Variants in KIF24 observed in about 807,000 individuals in gnomAD.
KIF24 encodes kinesin family member 24.
Under a neutral mutation model 118.9 loss-of-function variants are expected in KIF24, and 81 were observed. That is an observed-to-expected ratio of 0.68 (90% CI 0.57 to 0.82). The LOEUF is 0.82. Ranked by LOEUF, KIF24 falls within the 40% of genes least tolerant of loss-of-function variation. The probability of loss-of-function intolerance (pLI) is 0.00; values close to 1 mark genes in which losing one functional copy is unlikely to be tolerated. For synonymous variants in KIF24, 599 were observed against 610.0 expected, an observed-to-expected ratio of 0.98 and a Z score of 0.27; for missense variants, 1,560 against 1,661.6, an observed-to-expected ratio of 0.94 and a Z score of 1.06.
At chr9:34,326,552 G>C (rs982963189) in intron 1 of KIF24, among the ~76,000 whole-genome samples, 4 of 152,166 alleles carry the variant, frequency 2.6e-5, no homozygotes, top group African/African-American at 9.7e-5. Flanking sequence ...AATATTTGAG[G>C]TGAAACCTGA....
chr9:34,308,693 T>A (rs1206506123), intron 2 of KIF24, among the ~76,000 whole-genome samples: 2 of 152,220 alleles, frequency 1.3e-5, no homozygotes, highest in Admixed American at 1.3e-4. Context: ...TGGTCCTTTT[T>A]AAAATTGTTC....
chr9:34,329,938 C>T (rs1837843903), upstream of KIF24, among the ~76,000 whole-genome samples: 1 of 152,244 alleles, frequency 6.6e-6, no homozygotes, highest in African/African-American at 2.4e-5. Context: ...CTCCCTGGGC[C>T]TCAGTTTCAC....
chr9:34,276,747 C>A (rs890083402), intron 6 of KIF24, among the ~76,000 whole-genome samples: 2 of 152,148 alleles, frequency 1.3e-5, no homozygotes, highest in Non-Finnish European at 2.9e-5. Context: ...CATGATGAAT[C>A]CTTTTGTAAA....
At chr9:34,325,968 C>T (rs911398967) in intron 1 of KIF24, among the ~76,000 whole-genome samples, 10 of 152,108 alleles carry the variant, frequency 6.6e-5, no homozygotes, top group African/African-American at 2.4e-4. Context: ...GTTACAGTTC[C>T]AAGAGGAAAC....
intron 6 of KIF24, among the ~76,000 whole-genome samples, chr9:34,272,822 C>T (rs936799687): frequency 6.6e-6 from 1 of 152,142 alleles, no homozygotes; most frequent in Non-Finnish European, 1.5e-5. Flanking sequence ...CATGGTCTTA[C>T]TATGTTGCCC....
chr9:34,330,481 A>G (rs1837879219), upstream of KIF24, among the ~76,000 whole-genome samples: 1 of 152,146 alleles, frequency 6.6e-6, no homozygotes, highest in African/African-American at 2.4e-5. Flanking sequence ...AGTTAAGGTT[A>G]AGATCATTGA....
intron 4 of KIF24, among the ~76,000 whole-genome samples, chr9:34,296,248 C>T (rs1164993674): frequency 7.8e-5 from 11 of 140,458 alleles, no homozygotes; most frequent in South Asian, 2.3e-4. Flanking sequence ...TCTATGAGGC[C>T]GGGCGTGGTG....
chr9:34,309,627 G>C (rs987115618), intron 2 of KIF24, among the ~76,000 whole-genome samples: 18 of 151,460 alleles, frequency 1.2e-4, no homozygotes, highest in African/African-American at 4.1e-4. Flanking sequence ...TCATAGTCAA[G>C]GAACAATCTA....
At chr9:34,291,918 T>C (rs1028944540) in intron 4 of KIF24, among the ~76,000 whole-genome samples, 2 of 152,096 alleles carry the variant, frequency 1.3e-5, no homozygotes, top group Non-Finnish European at 2.9e-5. Flanking sequence ...GGTTCCTAAA[T>C]AAGATGGCTA....
At chr9:34,299,804 ATGTGTG>A (rs750264704) in intron 3 of KIF24, among the ~76,000 whole-genome samples, 1 of 123,204 alleles carries the variant, frequency 8.1e-6, no homozygotes, top group Admixed American at 9.1e-5. Context: ...GGCTACCAAG[ATGTGTG>A]TGTGTGTGTG....
intron 1 of KIF24, chr9:34,319,539 C>T (rs1837447380): frequency 8.5e-7 from 1 of 1,170,902 alleles, no homozygotes; most frequent in African/African-American, 1.5e-5. Flanking sequence ...CAGCCCCAAG[C>T]TGTTCTACTC....
intron 9 of KIF24, among the ~76,000 whole-genome samples, chr9:34,260,210 T>C (rs567305414): frequency 6.6e-6 from 1 of 152,308 alleles, no homozygotes; most frequent in East Asian, 1.9e-4. Context: ...GGAAAAAGTA[T>C]GTTTTGGTTT....
chr9:34,253,895 C>T lies in KIF24; in HGVS notation c.*485G>A, dbSNP rs1834709720. ...TCACCCCACCCCTGTCCCCCTAGCA[C>T]CAATGGTTAAGTTTGGGCCAGTGTT... is the stretch of plus-strand genomic sequence containing the variant. On this transcript the variant is annotated 3_prime_UTR_variant, in exon 13 of 13. Transcript: ENST00000402558. The T allele has an allele frequency of 6.5e-6, 1 of 152,990 alleles. No homozygotes were observed. Among genetic ancestry groups the T allele is most frequent in the Admixed American group, 6.5e-5 (1 of 15,314 alleles). 9.5% of individuals were successfully genotyped at this position (152,990 alleles called of 1,614,324 possible).
Position 34,290,240 on chromosome 9 carries a change from A to G in KIF24, c.1061T>C (p.Phe354Ser), listed in dbSNP as rs758522678. 3 of 1,613,798 alleles carry G rather than the reference A, an allele frequency of 1.9e-6. No homozygotes were observed. The East Asian group carries it at 6.7e-5, about 36-fold the overall frequency. Residue 354 changes from phenylalanine to serine, a missense_variant, in exon 5 of 13, where the codon TTT becomes TCT. Around this residue, in one of 3 missense-constraint regions of KIF24, gnomAD observed 964 missense variants for 988.0 expected, o/e 0.98. Coordinates refer to ENST00000402558, the MANE Select transcript of KIF24 (RefSeq NM_194313.4). ...AATTTCATAGAAGCTGATCCACACA[A>G]AGAGGTGCTTTCTTGGCTGGGACAC... The part of the protein sequence containing the change: ...LEVSQPRKHL[F>S]VWISFYEIYC...
At position 34,257,323 on chromosome 9, in the gene KIF24, C is replaced by T; in HGVS notation, c.2284G>A (p.Glu762Lys). ...TGCTGGTGATAGAAACGCAGATGTT[C>T]CTCCCTCTCCTTCTGATGTGGCGGG... Reference protein sequence around the residue: ...NIPPHQKEREEHLRFYHQQFQ... With the variant: ...NIPPHQKEREKHLRFYHQQFQ... The change falls in exon 11 of 13, where the codon GAA becomes AAA. Residue 762 changes from glutamate to lysine, a missense_variant. This residue lies in a region of KIF24 where 964 missense variants were observed against 988.0 expected (regional missense o/e 0.98). Transcript: ENST00000402558. The T allele has an allele frequency of 6.2e-7, 1 of 1,614,046 alleles. No individual in the cohort carries two copies. The highest frequency in any genetic ancestry group is 1.1e-5 in the South Asian group (1 of 91,086).
intron 5 of KIF24, 146 bp downstream of exon 5, chr9:34,290,028 T>C: frequency 3.7e-6 from 2 of 540,226 alleles, no homozygotes; most frequent in Non-Finnish European, 3.3e-6. Flanking sequence ...AGCTAGAAAA[T>C]ATGTATCTGA....
chr9:34,333,287 GAT>G (rs935992645), upstream of KIF24, among the ~76,000 whole-genome samples: 14 of 152,086 alleles, frequency 9.2e-5, no homozygotes, highest in African/African-American at 3.4e-4. Context: ...TGGTGGAAAT[GAT>G]CCCAGCTAGA....
rs1834900963 is a variant in KIF24, at chr9:34,257,543, T to C, written c.2064A>G (p.Ser688=). ...CACGCACTAGGCCTTCTCCTGGGCC[T>C]GAGGCCCTGCTTTCCCACCCAAGGA... The part of the protein sequence containing the change: ...KTVLGWESRA[S]GPGEGLVRGK... Residue 688 remains serine (S), a synonymous_variant, in exon 11 of 13, where the codon TCA becomes TCG. Transcript: ENST00000402558. The C allele has an allele frequency of 6.2e-7, 1 of 1,613,966 alleles. No homozygotes were observed. Among genetic ancestry groups the C allele is most frequent in the Non-Finnish European group, 8.5e-7 (1 of 1,179,894 alleles).
intron 4 of KIF24, among the ~76,000 whole-genome samples, chr9:34,294,270 A>G (rs1385802034): frequency 6.6e-6 from 1 of 152,210 alleles, no homozygotes; most frequent in African/African-American, 2.4e-5. Context: ...TCTTATAAAT[A>G]TAAACCTATC....
Sources: gnomAD v4.1 joint callset for allele counts (sites outside exome capture counted in the v4.1 genomes callset) on GRCh38, gnomAD v4.1.1 for gene constraint, gnomAD v4.1.1 regional missense constraint, MANE v1.5 for transcripts, NCBI Gene and HGNC (gene_info 2026-07-23, HGNC 2026-07-21) for gene names.